The following SLC24A2 variants were observed in gnomAD, a reference collection of about 807,000 sequenced individuals.
SLC24A2 encodes solute carrier family 24 member 2, also known as sodium/potassium/calcium exchanger 2.
SLC24A2 carries 36 observed loss-of-function variants against 62.0 expected under a neutral mutation model. That is an observed-to-expected ratio of 0.58 (90% CI 0.44 to 0.77). The LOEUF is 0.77. Among genes scored for constraint, SLC24A2 ranks in the 30% least tolerant of loss-of-function variants. The pLI is 0.00. For missense variants in SLC24A2, 846 were observed against 817.9 expected, an observed-to-expected ratio of 1.03 and a Z score of -0.42; for synonymous variants, 358 against 294.0, an observed-to-expected ratio of 1.22 and a Z score of -2.23.
At chr9:20,306,426 C>A in the SLC24A2 span, among the ~76,000 whole-genome samples, 3 of 152,218 alleles carry the variant, frequency 2.0e-5, no homozygotes, top group African/African-American at 7.2e-5. Flanking sequence ...ATATAGCTGT[C>A]TTGCTTAATT....
rs1055736198 is a variant in SLC24A2 at position 19,605,187 on chromosome 9, A to G, written c.1079-7908T>C. 6.6e-5 allele frequency among the ~76,000 whole-genome samples: 10 copies of G among 152,250 alleles called. 1 individual carries two copies. Among genetic ancestry groups the G allele is most frequent in the Admixed American group, 2.6e-4 (4 of 15,286 alleles). On this transcript the variant is annotated intron_variant, in intron 4 of 10. Transcript: ENST00000341998. Reference sequence around the variant, plus strand: ...GGCATGCCATTATCTTTTGACCCCCAAGTGACACCCAAAGGGTGGCCTAAG... The same window carrying G: ...GGCATGCCATTATCTTTTGACCCCCGAGTGACACCCAAAGGGTGGCCTAAG...
chr9:19,961,125 G>T, the SLC24A2 span, among the ~76,000 whole-genome samples: 14 of 123,044 alleles, frequency 1.1e-4, no homozygotes, highest in South Asian at 2.8e-3. Context: ...AAAGGAGAGA[G>T]AGACAGAAGA....
intron 2 of SLC24A2, among the ~76,000 whole-genome samples, chr9:19,721,303 G>C (rs923281899): frequency 6.6e-6 from 1 of 152,084 alleles, no homozygotes; most frequent in Non-Finnish European, 1.5e-5. Context: ...ATTTCAGCTG[G>C]ATTTCAGTTA....
the SLC24A2 span, among the ~76,000 whole-genome samples, chr9:20,185,650 G>C: frequency 6.8e-6 from 1 of 146,322 alleles, no homozygotes; most frequent in Non-Finnish European, 1.5e-5. Flanking sequence ...GGGAGACAGA[G>C]CGAGACTCCA....
chr9:20,098,221 A>G, the SLC24A2 span, among the ~76,000 whole-genome samples: 2 of 152,198 alleles, frequency 1.3e-5, no homozygotes, highest in African/African-American at 4.8e-5. Flanking sequence ...TCATTCATTT[A>G]ACAACATTTA....
chr9:19,954,587 AT>A, the SLC24A2 span, among the ~76,000 whole-genome samples: 167 of 147,564 alleles, frequency 1.1e-3, no homozygotes, highest in Admixed American at 1.5e-3. Context: ...CTTCCGCCAG[AT>A]TTTTTTTTTT....
At chr9:20,150,757 C>T in the SLC24A2 span, among the ~76,000 whole-genome samples, 2 of 151,356 alleles carry the variant, frequency 1.3e-5, no homozygotes, top group Non-Finnish European at 2.9e-5. Context: ...AAAAGTTATA[C>T]AACTATTTAA....
the SLC24A2 span, among the ~76,000 whole-genome samples, chr9:20,102,639 T>C: frequency 6.7e-6 from 1 of 149,130 alleles, no homozygotes; most frequent in Non-Finnish European, 1.5e-5. Context: ...ACTTAAAGTA[T>C]AATAATACTT....
chr9:19,544,374 C>T (rs115868829), intron 8 of SLC24A2, among the ~76,000 whole-genome samples: 1,632 of 151,454 alleles, frequency 0.011, 28 homozygotes, highest in African/African-American at 0.036. Context: ...TGGGTCTTGA[C>T]GCTTATCCAA....
chr9:19,830,441 T>C, the SLC24A2 span, among the ~76,000 whole-genome samples: 1 of 152,206 alleles, frequency 6.6e-6, no homozygotes, highest in African/African-American at 2.4e-5. Context: ...AGATAAGAAT[T>C]AGTAGTAGCT....
At chr9:19,758,209 T>C (rs1007910) in intron 2 of SLC24A2, among the ~76,000 whole-genome samples, 57,084 of 152,054 alleles carry the variant, frequency 0.38, 12,065 homozygotes, top group Admixed American at 0.46. Flanking sequence ...AACTGGTTTA[T>C]AGAACATTAA....
intron 4 of SLC24A2, among the ~76,000 whole-genome samples, chr9:19,616,628 A>T (rs1204971215): frequency 6.6e-6 from 1 of 152,196 alleles, no homozygotes; most frequent in African/African-American, 2.4e-5. Context: ...AATCTTCCTG[A>T]GCCTTCATCG....
intron 2 of SLC24A2, among the ~76,000 whole-genome samples, chr9:19,689,342 T>C (rs961862141): frequency 2.0e-5 from 3 of 152,184 alleles, no homozygotes; most frequent in African/African-American, 7.2e-5. Context: ...CAAAAGGCCA[T>C]ATTCTTAGTT....
At chr9:19,788,855 G>C (rs1564102978) in intron 1 of SLC24A2, 30 bp downstream of exon 1, 5 of 985,332 alleles carry the variant, frequency 5.1e-6, no homozygotes, top group African/African-American at 1.7e-5. Context: ...CGGCTACAGC[G>C]GCAGGCGGGG....
chr9:19,600,863 T>C (rs2132909812), intron 4 of SLC24A2, among the ~76,000 whole-genome samples: 1 of 152,212 alleles, frequency 6.6e-6, no homozygotes, highest in Non-Finnish European at 1.5e-5. Flanking sequence ...TAGGATTGAA[T>C]ATGCAGGTTT....
At chr9:19,517,947 A>T (rs1004098433) in intron 10 of SLC24A2, among the ~76,000 whole-genome samples, 191 of 149,686 alleles carry the variant, frequency 1.3e-3, no homozygotes, top group African/African-American at 3.6e-3. Flanking sequence ...ACACACACAC[A>T]CACACACACA....
chr9:19,943,529 T>A, the SLC24A2 span, among the ~76,000 whole-genome samples: 1 of 152,176 alleles, frequency 6.6e-6, no homozygotes, highest in Admixed American at 6.5e-5. Flanking sequence ...ATACTGCTTT[T>A]GAGCCCTGCA....
chr9:19,988,445 G>A, the SLC24A2 span, among the ~76,000 whole-genome samples: 1 of 152,140 alleles, frequency 6.6e-6, no homozygotes, highest in Non-Finnish European at 1.5e-5. Flanking sequence ...TGGGTCAGAG[G>A]ATGGGCCACA....
the SLC24A2 span, among the ~76,000 whole-genome samples, chr9:20,144,653 G>T: frequency 5.9e-5 from 9 of 152,108 alleles, no homozygotes; most frequent in African/African-American, 1.7e-4. Context: ...AGTGCACTGT[G>T]GGGGGACCAC....
Sources: gnomAD v4.1 joint callset for allele counts (sites outside exome capture counted in the v4.1 genomes callset) on GRCh38, gnomAD v4.1.1 for gene constraint, MANE v1.5 for transcripts, NCBI Gene and HGNC (gene_info 2026-07-23, HGNC 2026-07-21) for gene names.